LIMD1: variants seen among roughly 807,000 people sequenced by gnomAD.
The protein encoded by LIMD1 is LIM domain-containing protein 1.
Under a neutral mutation model 58.4 loss-of-function variants are expected in LIMD1, and 23 were observed. That is an observed-to-expected ratio of 0.39 (90% confidence interval 0.28 to 0.56). The LOEUF (loss-of-function observed/expected upper bound fraction) is 0.56, where lower values mean the gene tolerates loss of function less well. Ranked by LOEUF, LIMD1 falls within the 20% of genes least tolerant of loss-of-function variation. LIMD1 has a pLI of 0.57. For synonymous variants in LIMD1, 334 were observed against 345.5 expected, an observed-to-expected ratio of 0.97 and a Z score of 0.37; for missense variants, 838 against 855.5, an observed-to-expected ratio of 0.98 and a Z score of 0.25.
intron 2 of LIMD1, among the ~76,000 whole-genome samples, chr3:45,655,011 C>G (rs1182273378): frequency 6.6e-6 from 1 of 151,172 alleles, no homozygotes; most frequent in Non-Finnish European, 1.5e-5. Flanking sequence ...CCTCTGCCAC[C>G]CGGGTTCAAG....
rs769628844 is a variant in LIMD1 at position 45,672,719 on chromosome 3, C to T, written c.1671C>T (p.His557=). 35 of 1,613,946 alleles carry T rather than the reference C, an allele frequency of 2.2e-5. No homozygotes were observed. The South Asian group carries it at 2.3e-4, about 11-fold the overall frequency. ...MILQALGKSY[H]PGCFRCVICN... is the part of the protein sequence containing the mutation. ...TGCAAGCCCTGGGGAAGTCCTACCA[C>T]CCCGGCTGTTTCCGCTGTGTCATCT... Residue 557 remains histidine (H), a synonymous_variant, in exon 5 of 8, where the codon CAC becomes CAT. Transcript: ENST00000273317.
chr3:45,626,065 T>C (rs1002373474), intron 1 of LIMD1, among the ~76,000 whole-genome samples: 2 of 152,248 alleles, frequency 1.3e-5, no homozygotes, highest in African/African-American at 4.8e-5. Flanking sequence ...TGGTGGATCA[T>C]TGCCTCCTGC....
In LIMD1 at chr3:45,595,018, G is replaced by A. The variant is rs755410624; in HGVS notation, c.139G>A (p.Val47Met). ...CCCCGAGTTTGAGGAAACTCGCAGG[G>A]TGTTCGCCACCAAGATGGCCAAAAT... ...NNPEFEETRR[V>M]FATKMAKIHL... The change falls in exon 1 of 8, where the codon GTG becomes ATG. Residue 47 changes from valine (V) to methionine (M), a missense_variant. Coordinates refer to ENST00000273317, the MANE Select transcript of LIMD1 (RefSeq NM_014240.3). 1.9e-6 allele frequency: 3 copies of A among 1,613,966 alleles called. No individual in the cohort carries two copies. Among genetic ancestry groups the A allele is most frequent in the South Asian group, 2.2e-5 (2 of 91,080 alleles).
Position 45,682,116 on chromosome 3 carries a change from G to A in LIMD1, c.*5057G>A, listed in dbSNP as rs1005584897. On this transcript the variant is annotated 3_prime_UTR_variant, in exon 8 of 8. Coordinates refer to ENST00000273317, the MANE Select transcript of LIMD1 (RefSeq NM_014240.3). The stretch of plus-strand genomic sequence containing the variant: ...TCTGACGTGCCAAGGACACGGGAAA[G>A]CTGGGAGTGAGGATACTCATAGTCA... The A allele has an allele frequency of 6.6e-6, 1 of 152,222 alleles. No individual in the cohort carries two copies. Among genetic ancestry groups the A allele is most frequent in the Non-Finnish European group, 1.5e-5 (1 of 68,058 alleles). The allele number at this position is 152,222 out of a possible 1,614,324, so 9.4% of individuals were successfully genotyped here. A position where few individuals can be genotyped will look rare whatever the true frequency, so the allele number is the denominator to read the frequency against.
At chr3:45,642,778 A>T (rs776298978) in intron 2 of LIMD1, among the ~76,000 whole-genome samples, 19 of 152,024 alleles carry the variant, frequency 1.2e-4, no homozygotes, top group Non-Finnish European at 1.9e-4. Flanking sequence ...CTTCTGTGGG[A>T]TTGTTTCCTT....
Position 45,672,723 on chromosome 3 carries a change from G to A in LIMD1, c.1675G>A (p.Gly559Ser), listed in dbSNP as rs770764361. The A allele has an allele frequency of 4.2e-5, 68 of 1,613,844 alleles. No individual in the cohort carries two copies. In the East Asian group the frequency reaches 5.1e-4, roughly 12 times the overall value. The change falls in exon 5 of 8, where the codon GGC (glycine) becomes AGC (serine). Residue 559 changes from glycine (G) to serine (S), a missense_variant. Physicochemically the swap from Gly to Ser is moderately conservative, Grantham distance 56. Coordinates refer to ENST00000273317, the MANE Select transcript of LIMD1 (RefSeq NM_014240.3). Reference protein sequence around the residue: ...LQALGKSYHPGCFRCVICNEC... With the variant: ...LQALGKSYHPSCFRCVICNEC... Reference sequence around the variant, plus strand: ...AGCCCTGGGGAAGTCCTACCACCCCGGCTGTTTCCGCTGTGTCATCTGTAA... The same window carrying A: ...AGCCCTGGGGAAGTCCTACCACCCCAGCTGTTTCCGCTGTGTCATCTGTAA...
chr3:45,629,864 C>T (rs1435469007), intron 1 of LIMD1, among the ~76,000 whole-genome samples: 1 of 152,234 alleles, frequency 6.6e-6, no homozygotes, highest in Non-Finnish European at 1.5e-5. Flanking sequence ...GCGAGCCACA[C>T]TCCCATTGCA....
Position 45,596,261 on chromosome 3 carries a change from A to G in LIMD1, c.1382A>G (p.Asp461Gly). The change falls in exon 1 of 8, where the codon GAT (aspartate) becomes GGT (glycine). Residue 461 changes from aspartate to glycine, a missense_variant. This residue lies in a region of LIMD1 where 659 missense variants were observed against 639.8 expected (regional missense o/e 1.03). Transcript: ENST00000273317. ...ALTQRLEREMDAHPKADYFGA... is the reference protein window; with the variant it reads ...ALTQRLEREMGAHPKADYFGA... ...ACCCAACGTCTGGAGCGAGAGATGG[A>G]TGCTCACCCGAAGGCTGATTACTTT... The G allele has an allele frequency of 2.5e-6, 4 of 1,608,514 alleles. No individual in the cohort carries two copies. The South Asian group carries it at 4.4e-5, about 18-fold the overall frequency.
Position 45,594,778 on chromosome 3 carries a change from A to AACAC in LIMD1, c.-39_-36dup, listed in dbSNP as rs57091993. 3,502 of 730,696 alleles carry AACAC rather than the reference A, an allele frequency of 4.8e-3. 126 individuals carry two copies. The highest frequency in any genetic ancestry group is 0.014 in the African/African-American group (534 of 37,968). The allele number at this position is 730,696 out of a possible 1,614,324, so 45.3% of individuals were successfully genotyped here. On this transcript the variant is annotated 5_prime_UTR_variant, in exon 1 of 8. Coordinates refer to ENST00000273317, the MANE Select transcript of LIMD1 (RefSeq NM_014240.3). ...TCGCCAGCATCTCCCCGCTGCCCTC[A>AACAC]ACACACACACACACACACACACACA... is the stretch of plus-strand genomic sequence containing the variant.
rs74851793 is a variant in LIMD1 at position 45,595,738 on chromosome 3, G to C, written c.859G>C (p.Val287Leu). 22,518 of 1,614,114 alleles carry C rather than the reference G, an allele frequency of 0.014. 203 individuals carry two copies. Among genetic ancestry groups the C allele is most frequent in the Non-Finnish European group, 0.017 (20,574 of 1,180,024 alleles). ...AAACTTGGAGAACGGAGCACCAGCT[G>C]TGGGGCCTGTTCAGCCCAGGACCCC... ...SPNLENGAPA[V>L]GPVQPRTPSV... Residue 287 changes from valine (V) to leucine (L), a missense_variant, in exon 1 of 8, where the codon GTG becomes CTG. By Grantham distance (32) the Val-to-Leu change is conservative. Around this residue, in one of 3 missense-constraint regions of LIMD1, gnomAD observed 659 missense variants for 639.8 expected, o/e 1.03. Coordinates refer to ENST00000273317, the MANE Select transcript of LIMD1 (RefSeq NM_014240.3).
chr3:45,624,881 CTT>C (rs59284051), intron 1 of LIMD1, among the ~76,000 whole-genome samples: 318 of 138,390 alleles, frequency 2.3e-3, no homozygotes, highest in African/African-American at 6.3e-3. Context: ...TGCTATCTTC[CTT>C]TTTTTTTTTT....
chr3:45,629,480 AGTGCT>A (rs1701705589), intron 1 of LIMD1, among the ~76,000 whole-genome samples: 4 of 151,974 alleles, frequency 2.6e-5, no homozygotes, highest in African/African-American at 9.7e-5. Flanking sequence ...AGGGAAGAGA[AGTGCT>A]GGGTAGAGGA....
intron 2 of LIMD1, among the ~76,000 whole-genome samples, chr3:45,644,562 A>G (rs1173778143): frequency 6.6e-6 from 1 of 152,090 alleles, no homozygotes; most frequent in Admixed American, 6.5e-5. Context: ...AGGGAGTTCA[A>G]CGTTCATTAT....
At chr3:45,651,780 G>C (rs933845809) in intron 2 of LIMD1, among the ~76,000 whole-genome samples, 4 of 151,428 alleles carry the variant, frequency 2.6e-5, no homozygotes, top group Admixed American at 6.6e-5. Flanking sequence ...TTACAGGCAT[G>C]CACCACATGC....
rs745503132 is a variant in LIMD1 at position 45,668,281 on chromosome 3, T to G, written c.1579-13T>G. The G allele has an allele frequency of 1.6e-5, 25 of 1,609,202 alleles. No homozygotes were observed. The South Asian group carries it at 2.5e-4, about 16-fold the overall frequency. On this transcript the variant is annotated splice_polypyrimidine_tract_variant and intron_variant, in intron 3 of 7. Coordinates refer to ENST00000273317, the MANE Select transcript of LIMD1 (RefSeq NM_014240.3). ...CAGTCTGGGTTTAACTTTCTTTTCT[T>G]TTTCTTCTGCAGTACTCTGGTTTCC...
intron 1 of LIMD1, among the ~76,000 whole-genome samples, chr3:45,615,627 G>A (rs773146936): frequency 2.6e-5 from 4 of 151,994 alleles, no homozygotes; most frequent in African/African-American, 4.8e-5. Context: ...AAGGTGGTGC[G>A]TGCCTGTGGT....
chr3:45,674,310 C>T (rs1243287872), intron 6 of LIMD1, 33 bp from the exon 7 acceptor site: 1 of 1,601,796 alleles, frequency 6.2e-7, no homozygotes, highest in Non-Finnish European at 8.6e-7. Context: ...TAACAGGCCT[C>T]TCCTATGTGT....
chr3:45,656,457 A>G (rs1319976248), intron 2 of LIMD1, among the ~76,000 whole-genome samples: 1 of 111,888 alleles, frequency 8.9e-6, no homozygotes, highest in African/African-American at 3.6e-5. Flanking sequence ...TCTCCATCAG[A>G]AAAAAAAAAA....
intron 2 of LIMD1, among the ~76,000 whole-genome samples, chr3:45,637,904 A>G (rs372728442): frequency 2.0e-5 from 3 of 152,208 alleles, no homozygotes; most frequent in South Asian, 2.1e-4. Context: ...GTGTAGGGAA[A>G]GACTATGAGA....
Sources: gnomAD v4.1 joint callset for allele counts (sites outside exome capture counted in the v4.1 genomes callset) on GRCh38, gnomAD v4.1.1 for gene constraint, gnomAD v4.1.1 regional missense constraint, MANE v1.5 for transcripts, NCBI Gene and HGNC (gene_info 2026-07-23, HGNC 2026-07-21) for gene names.